ADAMTSL1: variants seen among roughly 807,000 people sequenced by gnomAD.
The protein encoded by ADAMTSL1 is ADAMTS-like protein 1.
Under a neutral mutation model 201.8 loss-of-function variants are expected in ADAMTSL1, and 126 were observed. That is an observed-to-expected ratio of 0.62 (90% confidence interval 0.54 to 0.72). ADAMTSL1 has a LOEUF of 0.72. Ranked by LOEUF, ADAMTSL1 falls within the 30% of genes least tolerant of loss-of-function variation. ADAMTSL1 has a pLI of 0.00. For missense variants in ADAMTSL1, 2,679 were observed against 2,277.8 expected (o/e 1.18, Z -3.59); for synonymous variants, 1,121 against 903.4 (o/e 1.24, Z -4.32).
At chr9:18,224,556 T>C (rs890172945) in intron 2 of ADAMTSL1, among the ~76,000 whole-genome samples, 1 of 152,170 alleles carries the variant, frequency 6.6e-6, no homozygotes, top group African/African-American at 2.4e-5. Context: ...GCTTCTCACA[T>C]ACAAAATACA....
chr9:18,748,363 G>C (rs1353224146), intron 15 of ADAMTSL1, among the ~76,000 whole-genome samples: 2 of 152,116 alleles, frequency 1.3e-5, no homozygotes, highest in East Asian at 3.9e-4. Flanking sequence ...AAATTTTTTT[G>C]TACTTTAGAA....
chr9:17,947,677 A>G (rs1351498497), intron 1 of ADAMTSL1, among the ~76,000 whole-genome samples: 1 of 152,184 alleles, frequency 6.6e-6, no homozygotes, highest in Non-Finnish European at 1.5e-5. Context: ...ATTGGCATTT[A>G]TTTAACTGAC....
At chr9:18,717,623 C>G (rs1833033631) in intron 14 of ADAMTSL1, among the ~76,000 whole-genome samples, 2 of 152,160 alleles carry the variant, frequency 1.3e-5, no homozygotes, top group Admixed American at 6.5e-5. Flanking sequence ...CATTATTGTA[C>G]TCTCCAATAC....
intron 2 of ADAMTSL1, among the ~76,000 whole-genome samples, chr9:18,390,681 T>C (rs76264485): frequency 0.028 from 4,236 of 152,136 alleles, 208 homozygotes; most frequent in African/African-American, 0.097. Context: ...TCAAGAGAAA[T>C]CTTCCCCACC....
At chr9:18,439,747 C>T (rs1325551151) in intron 2 of ADAMTSL1, among the ~76,000 whole-genome samples, 1 of 152,184 alleles carries the variant, frequency 6.6e-6, no homozygotes, top group African/African-American at 2.4e-5. Context: ...TAGTGCCTGG[C>T]TCTTGAATGC....
chr9:18,305,211 C>T (rs559134743), intron 2 of ADAMTSL1, among the ~76,000 whole-genome samples: 1 of 152,338 alleles, frequency 6.6e-6, no homozygotes, highest in East Asian at 1.9e-4. Flanking sequence ...TCACAACCTA[C>T]AGACCAGGAG....
chr9:18,713,116 G>C (rs1255037454), intron 14 of ADAMTSL1, among the ~76,000 whole-genome samples: 1 of 150,970 alleles, frequency 6.6e-6, no homozygotes, highest in Non-Finnish European at 1.5e-5. Flanking sequence ...ACATGGAAAG[G>C]AACAACCGGT....
intron 23 of ADAMTSL1, among the ~76,000 whole-genome samples, chr9:18,839,356 C>T (rs1445769962): frequency 2.0e-5 from 3 of 152,094 alleles, no homozygotes; most frequent in Admixed American, 6.5e-5. Context: ...CTACAAAGGA[C>T]ATGAACTCAT....
intron 9 of ADAMTSL1, among the ~76,000 whole-genome samples, chr9:18,674,231 C>T (rs995582431): frequency 1.3e-5 from 2 of 150,578 alleles, no homozygotes; most frequent in African/African-American, 2.4e-5. Flanking sequence ...CAAACACACA[C>T]ATCATGAAAA....
chr9:18,588,906 TA>T (rs1823727281), intron 4 of ADAMTSL1, among the ~76,000 whole-genome samples: 1 of 132,828 alleles, frequency 7.5e-6, no homozygotes, highest in African/African-American at 2.7e-5. Context: ...TATATATACA[TA>T]TATATACACA....
intron 2 of ADAMTSL1, among the ~76,000 whole-genome samples, chr9:18,348,843 A>G (rs941604583): frequency 1.7e-4 from 26 of 152,198 alleles, no homozygotes; most frequent in African/African-American, 6.3e-4. Context: ...ATAGTGATAT[A>G]AAATGTGTAT....
chr9:18,678,036 T>A (rs781653709), intron 10 of ADAMTSL1, among the ~76,000 whole-genome samples: 12 of 152,076 alleles, frequency 7.9e-5, no homozygotes, highest in Non-Finnish European at 1.6e-4. Context: ...CAAAACACAA[T>A]TAACATATTT....
intron 2 of ADAMTSL1, among the ~76,000 whole-genome samples, chr9:18,194,872 TC>T (rs1325919439): frequency 6.6e-6 from 1 of 152,106 alleles, no homozygotes; most frequent in East Asian, 1.9e-4. Context: ...GCTGTGACTA[TC>T]CTTTGATTAA....
intron 2 of ADAMTSL1, among the ~76,000 whole-genome samples, chr9:18,281,706 T>G (rs1245639627): frequency 6.6e-6 from 1 of 152,200 alleles, no homozygotes; most frequent in East Asian, 1.9e-4. Flanking sequence ...GACCATTGTT[T>G]GTGTCCATGT....
At chr9:18,510,678 G>C (rs1250362584) in intron 2 of ADAMTSL1, among the ~76,000 whole-genome samples, 1 of 151,192 alleles carries the variant, frequency 6.6e-6, no homozygotes, top group Non-Finnish European at 1.5e-5. Context: ...GGTTATATGA[G>C]GTTTTATTGA....
intron 2 of ADAMTSL1, among the ~76,000 whole-genome samples, chr9:18,393,860 G>A (rs1817636155): frequency 1.3e-5 from 2 of 152,152 alleles, no homozygotes; most frequent in East Asian, 1.9e-4. Context: ...ACAAAGCCTG[G>A]GTCCTGGATG....
intron 4 of ADAMTSL1, among the ~76,000 whole-genome samples, chr9:18,605,828 GA>G (rs2132568247): frequency 6.6e-6 from 1 of 152,302 alleles, no homozygotes; most frequent in Admixed American, 6.5e-5. Flanking sequence ...GGTCAAAGCT[GA>G]GTATAAAGGT....
intron 23 of ADAMTSL1, among the ~76,000 whole-genome samples, chr9:18,858,330 GT>G (rs1826997970): frequency 6.6e-6 from 1 of 151,962 alleles, no homozygotes; most frequent in Non-Finnish European, 1.5e-5. Context: ...CCTCACTCAG[GT>G]TCTACATCCC....
chr9:18,872,868 T>G (rs1827946030), intron 23 of ADAMTSL1, among the ~76,000 whole-genome samples: 1 of 152,250 alleles, frequency 6.6e-6, no homozygotes, highest in Non-Finnish European at 1.5e-5. Flanking sequence ...GTAGCAGGAT[T>G]GCTGGATCAA....
Sources: allele counts gnomAD v4.1 joint callset (sites outside exome capture counted in the v4.1 genomes callset), GRCh38; gene constraint gnomAD v4.1.1; transcripts MANE v1.5; gene names NCBI Gene and HGNC (gene_info 2026-07-23, HGNC 2026-07-21).